The following ATP2B3 variants were observed in gnomAD, a reference collection of about 807,000 sequenced individuals.
ATP2B3 encodes ATPase plasma membrane Ca2+ transporting 3, also known as plasma membrane calcium-transporting ATPase 3.
A neutral mutation model predicts 70.8 loss-of-function variants in ATP2B3; 12 were observed. The ratio of observed to expected loss-of-function variants is 0.17; its 90% confidence interval spans 0.11 to 0.27. ATP2B3 has a LOEUF of 0.27. Ranked by LOEUF, ATP2B3 falls within the 10% of genes least tolerant of loss-of-function variation. The probability of loss-of-function intolerance (pLI) is 1.00; values close to 1 mark genes in which losing one functional copy is unlikely to be tolerated. For missense variants in ATP2B3, 858 were observed against 1,118.5 expected (o/e 0.77, Z 3.32); for synonymous variants, 460 against 497.8 (o/e 0.92, Z 1.01).
chrX:153,558,130 G>A lies in ATP2B3; in HGVS notation c.2452G>A (p.Val818Met), dbSNP rs782632247. The A allele has an allele frequency of 3.3e-6, 4 of 1,210,294 alleles. No individual in the cohort carries two copies. The highest frequency in any genetic ancestry group is 2.3e-4 in the Middle Eastern group (1 of 4,344). ...GFAMGIAGTD[V>M]AKEASDIILT... ...CCCCCAGGGCATCGCAGGGACCGAC[G>A]TGGCCAAGGAGGCCTCCGACATCAT... The change falls in exon 17 of 22, where the codon GTG (valine) becomes ATG (methionine). Residue 818 changes from valine to methionine, a missense_variant. Val to Met is a conservative substitution (Grantham distance 21). Around this residue, in one of 5 missense-constraint regions of ATP2B3, gnomAD observed 50 missense variants for 106.7 expected, o/e 0.47. Coordinates refer to ENST00000263519, the MANE Select transcript of ATP2B3 (RefSeq NM_001001344.3).
rs2090917580 is a variant in ATP2B3, at chrX:153,581,085, T to G, written c.*787T>G. 1 of 17,482 alleles carries G rather than the reference T, an allele frequency of 5.7e-5. No individual in the cohort carries two copies. Among genetic ancestry groups the G allele is most frequent in the Admixed American group, 4.3e-4 (1 of 2,346 alleles). The allele number at this position is 17,482 out of a possible 1,213,427, so 1.4% of individuals were successfully genotyped here. The stretch of plus-strand genomic sequence containing the variant: ...ATTGAATGTAGCAAGGTTGTAGTTG[T>G]TTTTTTTTTTTTTTCAGGGAACTAG... On this transcript the variant is annotated 3_prime_UTR_variant, in exon 22 of 22. Coordinates refer to ENST00000263519, the MANE Select transcript of ATP2B3 (RefSeq NM_001001344.3).
intron 3 of ATP2B3, among the ~76,000 whole-genome samples, chrX:153,538,636 C>T (rs990983669): frequency 8.8e-6 from 1 of 113,172 alleles, no homozygotes; most frequent in Non-Finnish European, 1.9e-5. Flanking sequence ...ATTCTGATGG[C>T]ATCTGGCCTC....
chrX:153,565,736 C>T (rs369987108), intron 21 of ATP2B3, among the ~76,000 whole-genome samples: 4 of 112,468 alleles, frequency 3.6e-5, no homozygotes, highest in African/African-American at 1.3e-4. Flanking sequence ...CATCTCCTCC[C>T]GGCCAACAGT....
At chrX:153,569,415 G>A (rs2090755933) in intron 21 of ATP2B3, 2 of 515,132 alleles carry the variant, frequency 3.9e-6, no homozygotes, top group Non-Finnish European at 3.4e-6. Flanking sequence ...TCGGTGGGTG[G>A]CACAGAGGCT....
At chrX:153,569,620 C>A in intron 21 of ATP2B3, 5 of 1,211,758 alleles carry the variant, frequency 4.1e-6, no homozygotes, top group Non-Finnish European at 5.6e-6. Flanking sequence ...TAGTGAGTAC[C>A]TTCAAGAGAA....
chrX:153,520,447 A>G (rs1208577930), intron 2 of ATP2B3, among the ~76,000 whole-genome samples: 2 of 112,379 alleles, frequency 1.8e-5, no homozygotes, highest in East Asian at 2.8e-4. Context: ...CTGATTTTAA[A>G]CTGATGGCTT....
intron 21 of ATP2B3, chrX:153,569,715 A>C: frequency 1.7e-6 from 2 of 1,210,876 alleles, no homozygotes; most frequent in Non-Finnish European, 2.2e-6. Context: ...ACCCCTACTC[A>C]CGCAATTCTC....
At chrX:153,575,571 G>A (rs781945718) in intron 21 of ATP2B3, among the ~76,000 whole-genome samples, 174 of 111,162 alleles carry the variant, frequency 1.6e-3, no homozygotes, top group African/African-American at 5.5e-3. Flanking sequence ...TTTTCGGGCC[G>A]CCGTGCTAAG....
intron 2 of ATP2B3, among the ~76,000 whole-genome samples, chrX:153,527,930 G>A (rs1318988800): frequency 1.8e-5 from 2 of 112,606 alleles, no homozygotes; most frequent in Non-Finnish European, 3.8e-5. Flanking sequence ...AGGAACCTCC[G>A]GGAAAATGGG....
intron 2 of ATP2B3, among the ~76,000 whole-genome samples, chrX:153,534,588 A>C (rs1459190762): frequency 8.9e-6 from 1 of 112,308 alleles, no homozygotes; most frequent in East Asian, 2.8e-4. Context: ...CTTGTTGAGC[A>C]CCTGTCCCAG....
rs2090927440 is a variant in ATP2B3, at chrX:153,582,092, A to G, written c.*1794A>G. 8.9e-6 allele frequency: 1 copy of G among 111,758 alleles called. No homozygotes were observed. Among genetic ancestry groups the G allele is most frequent in the Admixed American group, 9.4e-5 (1 of 10,586 alleles). The allele number at this position is 111,758 out of a possible 1,213,427, so 9.2% of individuals were successfully genotyped here. The stretch of plus-strand genomic sequence containing the variant: ...ACAGAGGATCGGAATGGAAACCACC[A>G]ACGTGCACTGGCACCCTCAGAAGGC... On this transcript the variant is annotated 3_prime_UTR_variant, in exon 22 of 22. Coordinates refer to ENST00000263519, the MANE Select transcript of ATP2B3 (RefSeq NM_001001344.3).
At position 153,556,424 on chromosome X, in the gene ATP2B3, C is replaced by T. The variant is rs782166649; in HGVS notation, c.2326+6C>T. The T allele has an allele frequency of 1.2e-5, 14 of 1,194,217 alleles. No homozygotes were observed. Among genetic ancestry groups the T allele is most frequent in the Admixed American group, 6.9e-5 (3 of 43,642 alleles). On this transcript the variant is annotated splice_donor_region_variant and intron_variant, in intron 15 of 21. Coordinates refer to ENST00000263519, the MANE Select transcript of ATP2B3 (RefSeq NM_001001344.3). ...CAAGCACACACTGGTCAAAGGTAGC[C>T]GAGCCCCCACACCCCTTTCCTGGGG...
intron 12 of ATP2B3, among the ~76,000 whole-genome samples, chrX:153,552,114 C>G (rs3020953): frequency 9.0e-6 from 1 of 111,341 alleles, no homozygotes; most frequent in Non-Finnish European, 1.9e-5. Context: ...GGTGTGGGGG[C>G]CTCAGCCCTC....
rs2090426221 is a variant in ATP2B3, at chrX:153,549,630, G to T, written c.1472G>T (p.Gly491Val). Residue 491 changes from glycine to valine, a missense_variant, in exon 11 of 22, where the codon GGA becomes GTA. By Grantham distance (109) the Gly-to-Val change is moderately radical (BLOSUM62 -3). Around this residue, in one of 5 missense-constraint regions of ATP2B3, gnomAD observed 242 missense variants for 281.3 expected, o/e 0.86. Coordinates refer to ENST00000263519, the MANE Select transcript of ATP2B3 (RefSeq NM_001001344.3). The stretch of plus-strand genomic sequence containing the variant: ...ATGACCGTGGTCCAGTCCTACCTAG[G>T]AGACACCCACTACAAAGAGATTCCG... Reference protein sequence around the residue: ...NRMTVVQSYLGDTHYKEIPAP... With the variant: ...NRMTVVQSYLVDTHYKEIPAP... 8.3e-7 allele frequency: 1 copy of T among 1,210,806 alleles called. No individual in the cohort carries two copies. Among genetic ancestry groups the T allele is most frequent in the African/African-American group, 1.7e-5 (1 of 57,388 alleles).
chrX:153,559,367 G>A, intron 17 of ATP2B3: 1 of 224,564 alleles, frequency 4.5e-6, no homozygotes, highest in South Asian at 1.2e-4. Flanking sequence ...GGAAGGTCCA[G>A]TTCAGAGTTT....
Position 153,536,152 on chromosome X carries a change from G to T in ATP2B3, c.-96G>T, listed in dbSNP as rs922202634. ...CACGCTTAGCAGCTTTCTCACCGCCGCCAAACCTTGCCTGGGCACTGGGAC... is the reference window on the plus strand; with the variant it reads ...CACGCTTAGCAGCTTTCTCACCGCCTCCAAACCTTGCCTGGGCACTGGGAC... On this transcript the variant is annotated 5_prime_UTR_variant, in exon 3 of 22. Coordinates refer to ENST00000263519, the MANE Select transcript of ATP2B3 (RefSeq NM_001001344.3). The T allele has an allele frequency of 9.7e-7, 1 of 1,026,988 alleles. No homozygotes were observed. Among genetic ancestry groups the T allele is most frequent in the African/African-American group, 1.9e-5 (1 of 53,380 alleles). The allele number at this position is 1,026,988 out of a possible 1,213,427, so 84.6% of individuals were successfully genotyped here.
rs782483113 is a variant in ATP2B3, at chrX:153,541,729, A to AG, written c.472dup (p.Ala158GlyfsTer18). 1 of 1,211,325 alleles carries AG rather than the reference A, an allele frequency of 8.3e-7. No individual in the cohort carries two copies. The highest frequency in any genetic ancestry group is 1.1e-6 in the Non-Finnish European group (1 of 895,438). ...GGCGAGGCCGAAGCTGGCTGGATCG[A>AG]GGGGGCTGCCATCCTGCTGTCCGTC... is the stretch of plus-strand genomic sequence containing the variant. On this transcript the variant is annotated frameshift_variant, in exon 5 of 22. Coordinates refer to ENST00000263519, the MANE Select transcript of ATP2B3 (RefSeq NM_001001344.3). LOFTEE classifies it high-confidence loss of function.
intron 18 of ATP2B3, among the ~76,000 whole-genome samples, chrX:153,560,455 C>G (rs1557015737): frequency 9.0e-6 from 1 of 111,567 alleles, no homozygotes; most frequent in South Asian, 3.8e-4. Flanking sequence ...TCCTTCCTGC[C>G]CTCAGGCTCA....
chrX:153,521,947 C>T (rs955975314), intron 2 of ATP2B3, among the ~76,000 whole-genome samples: 2 of 112,213 alleles, frequency 1.8e-5, no homozygotes, highest in African/African-American at 6.5e-5. Flanking sequence ...ACCTCCCACA[C>T]CCACTCCCTG....
Sources: gnomAD v4.1 joint callset for allele counts (sites outside exome capture counted in the v4.1 genomes callset) on GRCh38, gnomAD v4.1.1 for gene constraint, gnomAD v4.1.1 regional missense constraint, MANE v1.5 for transcripts, NCBI Gene and HGNC (gene_info 2026-07-23, HGNC 2026-07-21) for gene names.